The following PCDHGB6 variants were observed in gnomAD, a reference collection of about 807,000 sequenced individuals.
PCDHGB6 encodes the protein protocadherin gamma subfamily B, 6, also known as protocadherin gamma-B6.
A neutral mutation model predicts 59.1 loss-of-function variants in PCDHGB6; 51 were observed. That is an observed-to-expected ratio of 0.86 (90% CI 0.69 to 1.09). The LOEUF (loss-of-function observed/expected upper bound fraction) is 1.09. Ranked by LOEUF, PCDHGB6 falls within the 50% of genes least tolerant of loss-of-function variation. The pLI is 0.00. For synonymous variants in PCDHGB6, 466 were observed against 495.1 expected (o/e 0.94, Z 0.78); for missense variants, 1,148 against 1,205.1 (o/e 0.95, Z 0.70).
chr5:141,503,630 A>G, intron 2 of PCDHGB6, among the ~76,000 whole-genome samples: 1 of 152,088 alleles, frequency 6.6e-6, no homozygotes, highest in Admixed American at 6.6e-5. Flanking sequence ...AAGAAAAGAA[A>G]TAATTATTGA....
At chr5:141,442,837 A>G (rs2098346617) in intron 1 of PCDHGB6, among the ~76,000 whole-genome samples, 1 of 152,202 alleles carries the variant, frequency 6.6e-6, no homozygotes, top group Admixed American at 6.5e-5. Flanking sequence ...GGGAGGGACA[A>G]ATCTTGGCCA....
chr5:141,487,824 C>A lies in PCDHGB6; in HGVS notation c.2419-6983C>A. The stretch of plus-strand genomic sequence containing the variant: ...TCACAGTTTAGCATTGGGGGCGGGT[C>A]ATGCCTATATCTGAGTAAGAAATGA... On this transcript the variant is annotated intron_variant, in intron 1 of 3. Coordinates refer to ENST00000520790, the MANE Select transcript of PCDHGB6 (RefSeq NM_018926.3). This position sits in a 1 kb window ranked among gnomAD's most constrained non-coding sequence, Gnocchi z 5.0. 2 of 1,247,252 alleles carry A rather than the reference C, an allele frequency of 1.6e-6. No individual in the cohort carries two copies. The highest frequency in any genetic ancestry group is 2.9e-5 in the South Asian group (2 of 68,154). The allele number at this position is 1,247,252 out of a possible 1,614,324, so 77.3% of individuals were successfully genotyped here. A position where few individuals can be genotyped will look rare whatever the true frequency, so the allele number is the denominator to read the frequency against.
chr5:141,464,263 TAAA>T (rs35224477), intron 1 of PCDHGB6, among the ~76,000 whole-genome samples: 2 of 103,604 alleles, frequency 1.9e-5, no homozygotes, highest in Non-Finnish European at 1.9e-5. Flanking sequence ...AGACTCCGTC[TAAA>T]AAAAAAAAAA....
At position 141,450,051 on chromosome 5, in the gene PCDHGB6, G is replaced by C. The variant is rs576363410; in HGVS notation, c.2418+39431G>C. ...AGACAGGGTCTCACTCTTTCGCCCA[G>C]GCTGGAATGCAGTGGTATGATCTTG... On this transcript the variant is annotated intron_variant, in intron 1 of 3. Coordinates refer to ENST00000520790, the MANE Select transcript of PCDHGB6 (RefSeq NM_018926.3). Among the ~76,000 whole-genome samples, 362 of 139,654 alleles carry C rather than the reference G, an allele frequency of 2.6e-3. 1 individual carries two copies. Among genetic ancestry groups the C allele is most frequent in the South Asian group, 5.5e-3 (25 of 4,506 alleles). 91.6% of individuals were successfully genotyped at this position (139,654 alleles called of 152,430 possible). A position where few individuals can be genotyped will look rare whatever the true frequency, so the allele number is the denominator to read the frequency against.
rs768509409 is a variant in PCDHGB6 at position 141,489,236 on chromosome 5, G to C, written c.2419-5571G>C. 1 of 1,531,176 alleles carries C rather than the reference G, an allele frequency of 6.5e-7. No homozygotes were observed. 94.8% of individuals were successfully genotyped at this position (1,531,176 alleles called of 1,614,324 possible). On this transcript the variant is annotated intron_variant, in intron 1 of 3. Transcript: ENST00000520790. The surrounding 1 kb of genome is among the most constrained non-coding windows in gnomAD (Gnocchi z 4.5). The stretch of plus-strand genomic sequence containing the variant: ...ACTTACTCTCCACAAAGGGACTTCT[G>C]GGTCATGGGGCCCAAGACACTCCCA...
At chr5:141,475,132 T>C (rs563015610) in intron 1 of PCDHGB6, among the ~76,000 whole-genome samples, 14 of 152,322 alleles carry the variant, frequency 9.2e-5, no homozygotes, top group African/African-American at 2.6e-4. Context: ...TTTTTTCTTT[T>C]TGAAATCTTC....
intron 1 of PCDHGB6, among the ~76,000 whole-genome samples, chr5:141,434,692 A>G (rs891952554): frequency 8.5e-5 from 13 of 152,082 alleles, no homozygotes; most frequent in African/African-American, 2.4e-4. Flanking sequence ...CTTGCTGTTA[A>G]TAAATATGTG....
rs2099389707 is a variant in PCDHGB6, at chr5:141,476,358, G to A, written c.2419-18449G>A. On this transcript the variant is annotated intron_variant, in intron 1 of 3. Transcript: ENST00000520790. This position sits in a 1 kb window ranked among gnomAD's most constrained non-coding sequence, Gnocchi z 7.6. ...AGCCGAAGATTCTTTGAGGTGAACC[G>A]GGAGACCGGAGAGATGTTTGTGAAC... 6.2e-7 allele frequency: 1 copy of A among 1,614,134 alleles called. No individual in the cohort carries two copies. The highest frequency in any genetic ancestry group is 8.5e-7 in the Non-Finnish European group (1 of 1,180,022).
chr5:141,472,928 G>A (rs926768431), intron 1 of PCDHGB6, among the ~76,000 whole-genome samples: 13 of 150,136 alleles, frequency 8.7e-5, no homozygotes, highest in Admixed American at 2.7e-4. Flanking sequence ...GGAGGTTGTG[G>A]TGAGCCAAGA....
Position 141,491,013 on chromosome 5 carries a change from G to C in PCDHGB6, c.2419-3794G>C. ...CTCCTCCTGGCTCCTTGGTCACCAA[G>C]GTGACAGCCGTGGATGCTGATGCAG... On this transcript the variant is annotated intron_variant, in intron 1 of 3. Transcript: ENST00000520790. The surrounding 1 kb of genome is among the most constrained non-coding windows in gnomAD (Gnocchi z 6.9). 6.2e-7 allele frequency: 1 copy of C among 1,614,144 alleles called. No homozygotes were observed. Among genetic ancestry groups the C allele is most frequent in the Non-Finnish European group, 8.5e-7 (1 of 1,180,040 alleles).
At chr5:141,422,219 C>T in intron 1 of PCDHGB6, 1 of 1,564,678 alleles carries the variant, frequency 6.4e-7, no homozygotes, top group Non-Finnish European at 8.6e-7. Context: ...CTCTTTACCA[C>T]CACGACGATG....
chr5:141,413,880 T>G, intron 1 of PCDHGB6: 1 of 1,613,420 alleles, frequency 6.2e-7, no homozygotes, highest in Non-Finnish European at 8.5e-7. Flanking sequence ...TCAGTGTGAC[T>G]GTCTTCGATG....
intron 1 of PCDHGB6, among the ~76,000 whole-genome samples, chr5:141,459,949 G>T (rs1284876601): frequency 2.0e-5 from 3 of 152,124 alleles, no homozygotes; most frequent in Non-Finnish European, 4.4e-5. Context: ...GTGATGGCAG[G>T]TGCCTGTAAT....
rs1340692426 is a variant in PCDHGB6 at position 141,485,025 on chromosome 5, A to C, written c.2419-9782A>C. ...CAAATCTACCCCGCCACCAGCAAAAACGGCGCGTAACCCTTGCGGCGCCGG... is the reference window on the plus strand; with the variant it reads ...CAAATCTACCCCGCCACCAGCAAAACCGGCGCGTAACCCTTGCGGCGCCGG... On this transcript the variant is annotated intron_variant, in intron 1 of 3. Transcript: ENST00000520790. This position sits in a 1 kb window ranked among gnomAD's most constrained non-coding sequence, Gnocchi z 5.7. 2 of 657,796 alleles carry C rather than the reference A, an allele frequency of 3.0e-6. No homozygotes were observed. The highest frequency in any genetic ancestry group is 5.4e-6 in the Non-Finnish European group (2 of 369,210). The allele number at this position is 657,796 out of a possible 1,614,324, so 40.7% of individuals were successfully genotyped here.
Position 141,491,954 on chromosome 5 carries a change from C to A in PCDHGB6, c.2419-2853C>A. ...TGGGACCGACCCCCACCCCTACACT[C>A]AAAAAAGGCCGGGGCCTCCTTCGAG... On this transcript the variant is annotated intron_variant, in intron 1 of 3. Transcript: ENST00000520790. This position sits in a 1 kb window ranked among gnomAD's most constrained non-coding sequence, Gnocchi z 6.9. The A allele has an allele frequency of 9.7e-7, 1 of 1,032,914 alleles. No individual in the cohort carries two copies. Among genetic ancestry groups the A allele is most frequent in the Non-Finnish European group, 1.3e-6 (1 of 747,256 alleles). The allele number at this position is 1,032,914 out of a possible 1,614,324, so 64.0% of individuals were successfully genotyped here.
At position 141,489,720 on chromosome 5, in the gene PCDHGB6, G is replaced by T. The variant is rs560729125; in HGVS notation, c.2419-5087G>T. 1.9e-6 allele frequency: 3 copies of T among 1,614,200 alleles called. No individual in the cohort carries two copies. Among genetic ancestry groups the T allele is most frequent in the Middle Eastern group, 1.6e-4 (1 of 6,062 alleles). ...TCCCACTGGACAGTGCCCAGGATCC[G>T]GATGTGGGCACCAATACTGTGAGCT... On this transcript the variant is annotated intron_variant, in intron 1 of 3. Transcript: ENST00000520790. This position sits in a 1 kb window ranked among gnomAD's most constrained non-coding sequence, Gnocchi z 4.5.
chr5:141,487,162 G>T lies in PCDHGB6; in HGVS notation c.2419-7645G>T, dbSNP rs2099640627. 6.2e-7 allele frequency: 1 copy of T among 1,613,496 alleles called. No individual in the cohort carries two copies. Among genetic ancestry groups the T allele is most frequent in the African/African-American group, 1.3e-5 (1 of 75,026 alleles). On this transcript the variant is annotated intron_variant, in intron 1 of 3. Transcript: ENST00000520790. This position sits in a 1 kb window ranked among gnomAD's most constrained non-coding sequence, Gnocchi z 5.0. ...TCTCTACCTCTGTTACTCTCTTAGTGTCCTTAGAGGAAGACACTCATCCAG... is the reference window on the plus strand; with the variant it reads ...TCTCTACCTCTGTTACTCTCTTAGTTTCCTTAGAGGAAGACACTCATCCAG...
chr5:141,420,065 G>A (rs1253164840), intron 1 of PCDHGB6: 4 of 1,614,018 alleles, frequency 2.5e-6, no homozygotes, highest in Non-Finnish European at 3.4e-6. Flanking sequence ...CTCCAAGTCC[G>A]GACCTGTGGG....
At chr5:141,500,223 T>G (rs1034982746) in intron 2 of PCDHGB6, among the ~76,000 whole-genome samples, 16 of 145,318 alleles carry the variant, frequency 1.1e-4, no homozygotes, top group African/African-American at 3.4e-4. Context: ...TTTATTTATT[T>G]ATTGATACGT....
Sources: gnomAD v4.1 joint callset for allele counts (sites outside exome capture counted in the v4.1 genomes callset) on GRCh38, gnomAD v4.1.1 for gene constraint, Gnocchi (gnomAD v3.1) non-coding constraint, MANE v1.5 for transcripts, NCBI Gene and HGNC (gene_info 2026-07-23, HGNC 2026-07-21) for gene names.